Variants in TBC1D15 observed in about 807,000 individuals in gnomAD.
The protein encoded by TBC1D15 is GAP for RAB7.
In TBC1D15, 39 loss-of-function variants were observed where a neutral mutation model predicts 95.4. That is an observed-to-expected ratio of 0.41 (90% confidence interval 0.32 to 0.53). The LOEUF is 0.53. Ranked by LOEUF, TBC1D15 falls within the 20% of genes least tolerant of loss-of-function variation. The pLI is 0.29. For synonymous variants in TBC1D15, 258 were observed against 261.3 expected, an observed-to-expected ratio of 0.99 and a Z score of 0.12; for missense variants, 733 against 794.3, an observed-to-expected ratio of 0.92 and a Z score of 0.93.
At chr12:71,841,849 A>G (rs955511290) in intron 1 of TBC1D15, among the ~76,000 whole-genome samples, 1 of 151,934 alleles carries the variant, frequency 6.6e-6, no homozygotes, top group Non-Finnish European at 1.5e-5. Context: ...TATCGTCAGC[A>G]TAATAATAAT....
rs1159344261 is a variant in TBC1D15, at chr12:71,921,369, A to G, written c.1718A>G (p.His573Arg). 6.5e-7 allele frequency: 1 copy of G among 1,547,070 alleles called. No homozygotes were observed. The highest frequency in any genetic ancestry group is 1.8e-5 in the Admixed American group (1 of 55,616). The change falls in exon 16 of 17, where the codon CAT (histidine) becomes CGT (arginine). Residue 573 changes from histidine (H) to arginine (R), a missense_variant and splice_region_variant. His to Arg is a conservative substitution (Grantham distance 29). Coordinates refer to ENST00000485960, the MANE Select transcript of TBC1D15 (RefSeq NM_001146213.3). ...TTTTATTTTGTTGATACTTTTTAGC[A>G]TATCAATGAATTGTCCATGAAAATT... ...KHYGFNEILK[H>R]INELSMKIDV...
At chr12:71,876,885 A>G (rs1055889330) in intron 3 of TBC1D15, among the ~76,000 whole-genome samples, 5 of 149,274 alleles carry the variant, frequency 3.3e-5, no homozygotes, top group Non-Finnish European at 7.4e-5. Flanking sequence ...ATCTCCATTC[A>G]CTGCAACCTC....
intron 4 of TBC1D15, 58 bp downstream of exon 4, chr12:71,880,665 A>G: frequency 6.7e-7 from 1 of 1,497,880 alleles, no homozygotes; most frequent in Admixed American, 2.3e-5. Flanking sequence ...CTAATAAACA[A>G]AAATGCAAAG....
intron 16 of TBC1D15, among the ~76,000 whole-genome samples, chr12:71,922,113 C>G (rs1485913486): frequency 6.6e-6 from 1 of 152,002 alleles, no homozygotes; most frequent in Admixed American, 6.6e-5. Context: ...GAGACAGAGT[C>G]TTGTTCTGTT....
At chr12:71,880,410 T>G (rs867795596) in intron 3 of TBC1D15, 59 bp from the exon 4 acceptor site, 14 of 1,427,908 alleles carry the variant, frequency 9.8e-6, no homozygotes, top group Non-Finnish European at 3.8e-6. Context: ...TAAGATGATA[T>G]GGATTGAAAT....
intron 7 of TBC1D15, among the ~76,000 whole-genome samples, chr12:71,895,657 T>TA (rs1476410085): frequency 6.6e-6 from 1 of 152,130 alleles, no homozygotes; most frequent in Non-Finnish European, 1.5e-5. Flanking sequence ...GTTCTATACT[T>TA]ACATAATTGA....
chr12:71,922,688 C>T (rs527515234), intron 16 of TBC1D15, among the ~76,000 whole-genome samples: 2 of 152,240 alleles, frequency 1.3e-5, no homozygotes, highest in East Asian at 3.9e-4. Flanking sequence ...GATATTATTA[C>T]AAAAAGTAGA....
At chr12:71,871,349 T>A (rs1328928040) in intron 1 of TBC1D15, among the ~76,000 whole-genome samples, 1 of 152,192 alleles carries the variant, frequency 6.6e-6, no homozygotes, top group Non-Finnish European at 1.5e-5. Context: ...CTCTGTTTAT[T>A]TTTGTTCTCA....
At chr12:71,918,367 A>G (rs1021163000) in intron 13 of TBC1D15, 84 bp from the exon 14 acceptor site, 9 of 839,178 alleles carry the variant, frequency 1.1e-5, no homozygotes, top group East Asian at 1.0e-4. Flanking sequence ...CCTAAGATGC[A>G]TAGGAAAGTT....
chr12:71,861,927 TTTC>T (rs1468088393), intron 1 of TBC1D15, among the ~76,000 whole-genome samples: 1 of 152,186 alleles, frequency 6.6e-6, no homozygotes, highest in Non-Finnish European at 1.5e-5. Context: ...AATTACTTAA[TTTC>T]TTCTTTGGCC....
chr12:71,859,733 G>A (rs1233129053), intron 1 of TBC1D15, among the ~76,000 whole-genome samples: 1 of 151,846 alleles, frequency 6.6e-6, no homozygotes, highest in Non-Finnish European at 1.5e-5. Flanking sequence ...TCAGCCTCCC[G>A]AGTAGTTGGG....
chr12:71,889,305 G>A (rs902894377), intron 5 of TBC1D15, among the ~76,000 whole-genome samples: 8 of 152,156 alleles, frequency 5.3e-5, no homozygotes, highest in African/African-American at 1.9e-4. Flanking sequence ...ATCAGCCACT[G>A]CTTTGTGTAT....
At chr12:71,881,958 A>C (rs1001366377) in intron 4 of TBC1D15, among the ~76,000 whole-genome samples, 12 of 150,020 alleles carry the variant, frequency 8.0e-5, no homozygotes, top group Admixed American at 3.3e-4. Context: ...GGCATTTTCT[A>C]AGCCCGTGGG....
At chr12:71,840,332 G>C (rs1884643033) in intron 1 of TBC1D15, among the ~76,000 whole-genome samples, 1 of 152,218 alleles carries the variant, frequency 6.6e-6, no homozygotes, top group Admixed American at 6.5e-5. Context: ...TTACCAAGCT[G>C]CTGAGTTGGT....
Position 71,896,660 on chromosome 12 carries a change from A to G in TBC1D15, c.985-17A>G, listed in dbSNP as rs769994375. 3.1e-6 allele frequency: 5 copies of G among 1,593,160 alleles called. No individual in the cohort carries two copies. Among genetic ancestry groups the G allele is most frequent in the African/African-American group, 1.4e-5 (1 of 74,012 alleles). On this transcript the variant is annotated splice_polypyrimidine_tract_variant and intron_variant, in intron 8 of 16. Transcript: ENST00000485960. ...ATTCTTTTTCATTCATGTATTTAAT[A>G]TGTATGCTTTCTTCAGGGACTTAGT...
intron 11 of TBC1D15, among the ~76,000 whole-genome samples, chr12:71,909,193 T>C (rs1312892393): frequency 1.3e-5 from 2 of 152,224 alleles, no homozygotes; most frequent in African/African-American, 4.8e-5. Flanking sequence ...TGAAACATAG[T>C]CAAGCTTCCT....
chr12:71,912,184 C>G (rs1297099327), intron 11 of TBC1D15, among the ~76,000 whole-genome samples: 1 of 152,108 alleles, frequency 6.6e-6, no homozygotes, highest in African/African-American at 2.4e-5. Context: ...ACAATTTAGT[C>G]TTCCATCTAT....
chr12:71,916,572 T>C (rs1903757677), intron 12 of TBC1D15, among the ~76,000 whole-genome samples: 1 of 152,194 alleles, frequency 6.6e-6, no homozygotes, highest in South Asian at 2.1e-4. Flanking sequence ...GTTTCTAATA[T>C]GATAGTTCTA....
intron 1 of TBC1D15, chr12:71,861,495 T>C (rs1890354989): frequency 6.5e-7 from 1 of 1,534,046 alleles, no homozygotes. Flanking sequence ...GGTAGGAGTA[T>C]GGTAGGTAGT....
Sources: gnomAD v4.1 joint callset for allele counts (sites outside exome capture counted in the v4.1 genomes callset) on GRCh38, gnomAD v4.1.1 for gene constraint, MANE v1.5 for transcripts, NCBI Gene and HGNC (gene_info 2026-07-23, HGNC 2026-07-21) for gene names.